LRCH1: variants seen among roughly 807,000 people sequenced by gnomAD.
LRCH1 encodes leucine-rich repeat and calponin homology domain-containing protein 1.
LRCH1 carries 23 observed loss-of-function variants against 94.9 expected under a neutral mutation model. The ratio of observed to expected loss-of-function variants is 0.24; its 90% CI spans 0.17 to 0.34. The LOEUF (loss-of-function observed/expected upper bound fraction) is 0.34. LRCH1 is among the 10% of genes least tolerant of loss of function. The pLI is 1.00. For synonymous variants in LRCH1, 364 were observed against 354.9 expected (o/e 1.03, Z -0.29); for missense variants, 790 against 945.9 (o/e 0.84, Z 2.16).
At chr13:46,737,479 T>G (rs1873441469) in intron 19 of LRCH1, among the ~76,000 whole-genome samples, 1 of 152,296 alleles carries the variant, frequency 6.6e-6, no homozygotes, top group African/African-American at 2.4e-5. Context: ...AAATGCAGCA[T>G]TTTCACATTG....
chr13:46,677,613 G>T (rs1488322392), intron 3 of LRCH1, among the ~76,000 whole-genome samples: 1 of 152,114 alleles, frequency 6.6e-6, no homozygotes, highest in Non-Finnish European at 1.5e-5. Context: ...CTCCAACATG[G>T]TTTTAATACT....
At position 46,573,201 on chromosome 13, in the gene LRCH1, CTCATGTAACTACTA is replaced by C. The variant is rs544608395; in HGVS notation, c.307+19501_307+19514del. On this transcript the variant is annotated intron_variant, in intron 1 of 19. Coordinates refer to ENST00000389797, the MANE Select transcript of LRCH1 (RefSeq NM_001164211.2). Reference sequence around the variant, plus strand: ...TGAGAGAAACCTTGTTTTCTCTTTTCTCATGTAACTACTATCCTTGGTTCCTAGGACAGTGTCTG... The same window carrying C: ...TGAGAGAAACCTTGTTTTCTCTTTTCTCCTTGGTTCCTAGGACAGTGTCTG... 2.3e-3 allele frequency among the ~76,000 whole-genome samples: 348 copies of C among 152,292 alleles called. 1 individual carries two copies. The Middle Eastern group carries it at 0.034, about 15-fold the overall frequency.
intron 3 of LRCH1, among the ~76,000 whole-genome samples, chr13:46,670,793 A>G (rs931044786): frequency 2.0e-5 from 3 of 150,456 alleles, no homozygotes; most frequent in Non-Finnish European, 4.4e-5. Context: ...AAATAAGCCC[A>G]TGTGGGATTT....
At chr13:46,655,258 C>T (rs186007904) in intron 2 of LRCH1, among the ~76,000 whole-genome samples, 145 of 152,262 alleles carry the variant, frequency 9.5e-4, no homozygotes, top group African/African-American at 3.3e-3. Flanking sequence ...TTGCCAACAA[C>T]CTCTAGTCCT....
At chr13:46,635,723 G>A (rs976353169) in intron 1 of LRCH1, among the ~76,000 whole-genome samples, 1 of 149,996 alleles carries the variant, frequency 6.7e-6, no homozygotes, top group East Asian at 2.0e-4. Context: ...CACCTGCCTC[G>A]GCCTCCCAAA....
intron 19 of LRCH1, 32 bp downstream of exon 19, chr13:46,734,030 T>C (rs373865830): frequency 2.4e-6 from 3 of 1,265,556 alleles, no homozygotes; most frequent in Non-Finnish European, 3.4e-6. Flanking sequence ...ATAACTGTGT[T>C]CTAGTAAAAA....
At chr13:46,714,464 C>T (rs749715698) in intron 15 of LRCH1, among the ~76,000 whole-genome samples, 11 of 152,214 alleles carry the variant, frequency 7.2e-5, no homozygotes, top group South Asian at 2.1e-4. Context: ...CACTTTTGAT[C>T]GAGTAGCTTT....
At chr13:46,722,081 G>A (rs1472084334) in intron 16 of LRCH1, among the ~76,000 whole-genome samples, 1 of 152,166 alleles carries the variant, frequency 6.6e-6, no homozygotes, top group Admixed American at 6.5e-5. Flanking sequence ...TATTGAAATA[G>A]CTTCTAAAGA....
intron 2 of LRCH1, among the ~76,000 whole-genome samples, chr13:46,657,792 G>A (rs2051396431): frequency 6.8e-6 from 1 of 146,266 alleles, no homozygotes; most frequent in South Asian, 2.2e-4. Flanking sequence ...GCCTCCCAAG[G>A]TGTTAGAATT....
intron 1 of LRCH1, among the ~76,000 whole-genome samples, chr13:46,606,941 G>A (rs1259263735): frequency 6.6e-6 from 1 of 152,164 alleles, no homozygotes; most frequent in Non-Finnish European, 1.5e-5. Context: ...GCCAGGAGGA[G>A]AAGCACCTAT....
At chr13:46,703,063 G>T (rs1281280675) in intron 11 of LRCH1, among the ~76,000 whole-genome samples, 1 of 152,148 alleles carries the variant, frequency 6.6e-6, no homozygotes, top group Non-Finnish European at 1.5e-5. Flanking sequence ...CCTAATCAAG[G>T]TATGTTCAAA....
downstream of LRCH1, among the ~76,000 whole-genome samples, chr13:46,748,967 G>GATGTC (rs1312277090): frequency 3.9e-5 from 6 of 152,320 alleles, no homozygotes; most frequent in African/African-American, 1.4e-4. Context: ...AGTTATTGGA[G>GATGTC]ATGTCATGTC....
chr13:46,590,228 T>C (rs1399575561), intron 1 of LRCH1, among the ~76,000 whole-genome samples: 2 of 152,130 alleles, frequency 1.3e-5, no homozygotes, highest in African/African-American at 2.4e-5. Context: ...TTAGAGTCTC[T>C]TCCTTATTTT....
chr13:46,628,385 C>T (rs192914365), intron 1 of LRCH1, among the ~76,000 whole-genome samples: 1 of 152,186 alleles, frequency 6.6e-6, no homozygotes, highest in Admixed American at 6.5e-5. Context: ...TGCCTGTAAT[C>T]CCAGCACTTT....
intron 16 of LRCH1, among the ~76,000 whole-genome samples, chr13:46,720,876 A>G (rs979421189): frequency 4.6e-5 from 7 of 152,344 alleles, no homozygotes; most frequent in South Asian, 4.1e-4. Flanking sequence ...CTTATATGTC[A>G]TAGTAATGAA....
At chr13:46,605,156 C>T (rs2137990595) in intron 1 of LRCH1, among the ~76,000 whole-genome samples, 1 of 152,292 alleles carries the variant, frequency 6.6e-6, no homozygotes, top group South Asian at 2.1e-4. Flanking sequence ...AATCTTAATT[C>T]TTCTGAGTTT....
chr13:46,680,510 T>G (rs1287607117), intron 3 of LRCH1, among the ~76,000 whole-genome samples: 2 of 152,128 alleles, frequency 1.3e-5, no homozygotes, highest in African/African-American at 4.8e-5. Flanking sequence ...TCGTGAAAGA[T>G]TTCACGAAAG....
At chr13:46,696,105 C>T (rs758554968) in intron 9 of LRCH1, among the ~76,000 whole-genome samples, 9 of 152,084 alleles carry the variant, frequency 5.9e-5, no homozygotes. Flanking sequence ...ATTTGAGCCT[C>T]ATAGTTTCTC....
At chr13:46,615,099 G>A (rs537447995) in intron 1 of LRCH1, among the ~76,000 whole-genome samples, 11 of 152,120 alleles carry the variant, frequency 7.2e-5, no homozygotes, top group South Asian at 2.1e-4. Context: ...TCTTAAAAAC[G>A]TTCATTTCAT....
Sources: allele counts gnomAD v4.1 joint callset (sites outside exome capture counted in the v4.1 genomes callset), GRCh38; gene constraint gnomAD v4.1.1; transcripts MANE v1.5; gene names NCBI Gene and HGNC (gene_info 2026-07-23, HGNC 2026-07-21).